The following PRKG1 variants were observed in gnomAD, a reference collection of about 807,000 sequenced individuals.
PRKG1 encodes the protein protein kinase cGMP-dependent 1.
A neutral mutation model predicts 88.1 loss-of-function variants in PRKG1; 35 were observed. The observed-to-expected ratio is 0.40, with a 90% CI of 0.30 to 0.53. The LOEUF (loss-of-function observed/expected upper bound fraction) is 0.53, where lower values mean the gene tolerates loss of function less well. Among genes scored for constraint, PRKG1 ranks in the 20% least tolerant of loss-of-function variants. PRKG1 has a pLI of 0.59. For synonymous variants in PRKG1, 303 were observed against 292.5 expected, an observed-to-expected ratio of 1.04 and a Z score of -0.37; for missense variants, 540 against 839.8, an observed-to-expected ratio of 0.64 and a Z score of 4.41.
intron 3 of PRKG1, among the ~76,000 whole-genome samples, chr10:51,652,073 G>C: frequency 6.6e-6 from 1 of 152,078 alleles, no homozygotes; most frequent in East Asian, 1.9e-4. Context: ...AACAAGAATT[G>C]AGTTTCTGCT....
At chr10:52,171,804 T>C (rs1179346646) in intron 9 of PRKG1, among the ~76,000 whole-genome samples, 1 of 135,106 alleles carries the variant, frequency 7.4e-6, no homozygotes, top group Non-Finnish European at 1.5e-5. Context: ...TTTTTTTTTT[T>C]TTTTTTTTTG....
intron 9 of PRKG1, among the ~76,000 whole-genome samples, chr10:52,225,307 C>T (rs1564522730): frequency 3.9e-5 from 6 of 152,072 alleles, no homozygotes; most frequent in Admixed American, 3.9e-4. Context: ...TATTCATATT[C>T]TTAGCCCACT....
chr10:51,230,823 A>C (rs1391975097), intron 2 of PRKG1, among the ~76,000 whole-genome samples: 1 of 152,066 alleles, frequency 6.6e-6, no homozygotes, highest in Non-Finnish European at 1.5e-5. Context: ...GTACAGATGC[A>C]ATTTTTTTTT....
chr10:51,528,651 A>T (rs1165693493), intron 3 of PRKG1, among the ~76,000 whole-genome samples: 1 of 147,794 alleles, frequency 6.8e-6, no homozygotes, highest in African/African-American at 2.5e-5. Context: ...AAACAGGCAC[A>T]GCTATCCTTT....
chr10:51,040,311 CTTTTTTTTTTTTT>C (rs34444612), intron 1 of PRKG1, among the ~76,000 whole-genome samples: 2 of 42,620 alleles, frequency 4.7e-5, no homozygotes, highest in African/African-American at 1.8e-4. Context: ...TTCTTTTTCT[CTTTTTTTTTTTTT>C]TTTTTTTTTT....
intron 5 of PRKG1, among the ~76,000 whole-genome samples, chr10:51,957,382 C>A (rs918414181): frequency 1.3e-5 from 2 of 151,570 alleles, no homozygotes; most frequent in African/African-American, 2.4e-5. Context: ...ACCTAAGACT[C>A]CTGGGCTCAA....
At chr10:51,661,479 T>C (rs140763900) in intron 3 of PRKG1, among the ~76,000 whole-genome samples, 5,923 of 152,128 alleles carry the variant, frequency 0.039, 163 homozygotes, top group Middle Eastern at 0.072. Flanking sequence ...CATGAAAAAA[T>C]GCTCATCATC....
At chr10:51,039,242 T>C (rs886825435) in intron 1 of PRKG1, among the ~76,000 whole-genome samples, 1 of 152,198 alleles carries the variant, frequency 6.6e-6, no homozygotes, top group Non-Finnish European at 1.5e-5. Flanking sequence ...CTTGCCAGCA[T>C]TTGTTATTGC....
chr10:51,619,359 A>G (rs1479831075), intron 3 of PRKG1, among the ~76,000 whole-genome samples: 1 of 152,092 alleles, frequency 6.6e-6, no homozygotes. Context: ...TAGCAGGCCC[A>G]TTTTGCTCTA....
chr10:52,057,751 A>T (rs182162599), intron 6 of PRKG1, among the ~76,000 whole-genome samples: 1 of 152,192 alleles, frequency 6.6e-6, no homozygotes, highest in East Asian at 1.9e-4. Context: ...GTATTTAAAC[A>T]TGCCAATTAA....
chr10:51,042,778 T>G (rs1192495716), intron 1 of PRKG1, among the ~76,000 whole-genome samples: 2 of 152,128 alleles, frequency 1.3e-5, no homozygotes, highest in Non-Finnish European at 2.9e-5. Context: ...AATTCATATG[T>G]TAAATCCTAA....
At chr10:51,801,515 G>A (rs1044092133) in intron 3 of PRKG1, among the ~76,000 whole-genome samples, 5 of 152,012 alleles carry the variant, frequency 3.3e-5, no homozygotes, top group Admixed American at 2.0e-4. Flanking sequence ...TTTCTATCCC[G>A]TAGATCTAGC....
chr10:51,681,425 T>G (rs1018663588), intron 3 of PRKG1, among the ~76,000 whole-genome samples: 4 of 152,158 alleles, frequency 2.6e-5, no homozygotes, highest in Admixed American at 6.5e-5. Context: ...AAGTAAATAT[T>G]ATTCAAAACA....
chr10:51,412,754 G>A (rs1025376194), intron 2 of PRKG1, among the ~76,000 whole-genome samples: 6 of 152,118 alleles, frequency 3.9e-5, no homozygotes, highest in East Asian at 1.9e-4. Flanking sequence ...ACTGAGAAAC[G>A]GCTGAGGTAG....
chr10:51,730,912 T>C (rs1842256330), intron 3 of PRKG1, among the ~76,000 whole-genome samples: 1 of 152,184 alleles, frequency 6.6e-6, no homozygotes, highest in African/African-American at 2.4e-5. Flanking sequence ...TCCCAGCACT[T>C]TGGGAGGCCG....
At chr10:52,271,608 T>G (rs1013465837) in intron 11 of PRKG1, 119 bp downstream of exon 11, 1 of 1,050,730 alleles carries the variant, frequency 9.5e-7, no homozygotes, top group African/African-American at 1.6e-5. Context: ...AACTTCTTTT[T>G]AATCTAATCT....
At chr10:51,207,126 G>T (rs1838083000) in intron 2 of PRKG1, among the ~76,000 whole-genome samples, 1 of 152,156 alleles carries the variant, frequency 6.6e-6, no homozygotes, top group African/African-American at 2.4e-5. Context: ...GCCTGAAGTT[G>T]ACAAGTCAGG....
intron 9 of PRKG1, among the ~76,000 whole-genome samples, chr10:52,191,638 G>A (rs1235441225): frequency 6.6e-6 from 1 of 152,162 alleles, no homozygotes; most frequent in Non-Finnish European, 1.5e-5. Context: ...GATTTCGTAG[G>A]AGGTTTATTA....
intron 2 of PRKG1, among the ~76,000 whole-genome samples, chr10:51,195,015 G>A (rs1837726816): frequency 6.6e-6 from 1 of 152,146 alleles, no homozygotes; most frequent in Non-Finnish European, 1.5e-5. Context: ...TTTCCAACAC[G>A]TGAACTTTGG....
Sources: allele counts gnomAD v4.1 joint callset (sites outside exome capture counted in the v4.1 genomes callset), GRCh38; gene constraint gnomAD v4.1.1; transcripts MANE v1.5; gene names NCBI Gene and HGNC (gene_info 2026-07-23, HGNC 2026-07-21).